The following COL6A3 variants were observed in gnomAD, a reference collection of about 807,000 sequenced individuals.
COL6A3 encodes collagen type VI alpha 3 chain.
A neutral mutation model predicts 274.1 loss-of-function variants in COL6A3; 137 were observed. The observed-to-expected ratio is 0.50, with a 90% CI of 0.44 to 0.58. The LOEUF (loss-of-function observed/expected upper bound fraction) is 0.58, where lower values mean the gene tolerates loss of function less well. Ranked by LOEUF, COL6A3 falls within the 20% of genes least tolerant of loss-of-function variation. COL6A3 has a pLI of 0.00. For missense variants in COL6A3, 3,950 were observed against 4,124.9 expected, an observed-to-expected ratio of 0.96 and a Z score of 1.16; for synonymous variants, 1,650 against 1,650.6, an observed-to-expected ratio of 1.00 and a Z score of 0.01.
At position 237,340,664 on chromosome 2, in the gene COL6A3, T is replaced by A. The variant is rs1559200179; in HGVS notation, c.8252A>T (p.Gln2751Leu). Residue 2751 changes from glutamine (Q) to leucine (L), a missense_variant, in exon 38 of 44, where the codon CAG becomes CTG. By Grantham distance (113) the Gln-to-Leu change is moderately radical (BLOSUM62 -2). Around this residue, in one of 5 missense-constraint regions of COL6A3, gnomAD observed 1,284 missense variants for 1,349.7 expected, o/e 0.95. Transcript: ENST00000295550. Reference sequence around the variant, plus strand: ...GATGACTCTCTGGGCCTCCTCCAGCTGCTGCTCCGGCACCTCGCCCGTCAG... The same window carrying A: ...GATGACTCTCTGGGCCTCCTCCAGCAGCTGCTCCGGCACCTCGCCCGTCAG... Reference protein sequence around the residue: ...LMLTGEVPEQQLEEAQRVILQ... With the variant: ...LMLTGEVPEQLLEEAQRVILQ... 1.9e-6 allele frequency: 3 copies of A among 1,614,098 alleles called. No homozygotes were observed. The highest frequency in any genetic ancestry group is 2.5e-6 in the Non-Finnish European group (3 of 1,180,030).
At chr2:237,398,642 C>A (rs893449833) in intron 1 of COL6A3, among the ~76,000 whole-genome samples, 1 of 152,184 alleles carries the variant, frequency 6.6e-6, no homozygotes, top group Non-Finnish European at 1.5e-5. Flanking sequence ...TCTGAAGGGC[C>A]CCATGCTCAG....
rs779036590 is a variant in COL6A3, at chr2:237,334,846, G to C, written c.9009C>G (p.Asn3003Lys). The change falls in exon 41 of 44, where the codon AAC (asparagine) becomes AAG (lysine). Residue 3003 changes from asparagine (N) to lysine (K), a missense_variant. By Grantham distance (94) the Asn-to-Lys change is moderately conservative. Transcript: ENST00000295550. The stretch of plus-strand genomic sequence containing the variant: ...CCCTCTCCCAGTGGAGTTTGGCGCT[G>C]TTCTCTGTTATCTCAAACACCTGGA... ...REVQVFEITENSAKLHWERAE... is the reference protein window; with the variant it reads ...REVQVFEITEKSAKLHWERAE... 13 of 1,614,062 alleles carry C rather than the reference G, an allele frequency of 8.1e-6. No homozygotes were observed. Among genetic ancestry groups the C allele is most frequent in the Non-Finnish European group, 1.1e-5 (13 of 1,180,026 alleles).
rs764996069 is a variant in COL6A3, at chr2:237,360,060, G to A, written c.6282+28C>T. 5.5e-5 allele frequency: 88 copies of A among 1,612,450 alleles called. No individual in the cohort carries two copies. In the Middle Eastern group the frequency reaches 1.3e-3, roughly 24 times the overall value. ...TGCGAGTCACCTGACCCCTCCCCAC[G>A]CTAGCAACCCCATCACCCACGCCTC... On this transcript the variant is annotated intron_variant, in intron 17 of 43. Coordinates refer to ENST00000295550, the MANE Select transcript of COL6A3 (RefSeq NM_004369.4).
Position 237,367,099 on chromosome 2 carries a change from G to T in COL6A3, c.5088C>A (p.Phe1696Leu). The change falls in exon 11 of 44, where the codon TTC becomes TTA. Residue 1696 changes from phenylalanine to leucine, a missense_variant. By Grantham distance (22) the Phe-to-Leu change is conservative. Transcript: ENST00000295550. Reference protein sequence around the residue: ...DPTDEFFLKDFSTKRQIIDAI... With the variant: ...DPTDEFFLKDLSTKRQIIDAI... ...CGTCAATAATCTGCCTCTTGGTAGAGAAGTCCTTCAGGAAGAATTCGTCAG... is the reference window on the plus strand; with the variant it reads ...CGTCAATAATCTGCCTCTTGGTAGATAAGTCCTTCAGGAAGAATTCGTCAG... 5 of 1,614,210 alleles carry T rather than the reference G, an allele frequency of 3.1e-6. No homozygotes were observed. The highest frequency in any genetic ancestry group is 4.2e-6 in the Non-Finnish European group (5 of 1,180,026).
intron 31 of COL6A3, 42 bp from the exon 32 acceptor site, chr2:237,346,607 G>C (rs375979754): frequency 6.3e-6 from 10 of 1,577,678 alleles, no homozygotes; most frequent in Middle Eastern, 1.7e-4. Flanking sequence ...GTGTCAGAAA[G>C]TGGAGAATTT....
In COL6A3 at chr2:237,348,374, C is replaced by A; in HGVS notation, c.6941G>T (p.Gly2314Val). The change falls in exon 30 of 44, where the codon GGA becomes GTA. Residue 2314 changes from glycine (G) to valine (V), a missense_variant. By Grantham distance (109) the Gly-to-Val change is moderately radical. This residue lies in a region of COL6A3 where 1,284 missense variants were observed against 1,349.7 expected (regional missense o/e 0.95). Coordinates refer to ENST00000295550, the MANE Select transcript of COL6A3 (RefSeq NM_004369.4). ...CTTTGGTCCTGGGTATCCAGGGAAT[C>A]CTCTTTCTCCCTATAAAGGAAAAAT... ...EGRRGKKGER[G>V]FPGYPGPKGN... The A allele has an allele frequency of 6.2e-7, 1 of 1,602,322 alleles. No individual in the cohort carries two copies. The highest frequency in any genetic ancestry group is 8.6e-7 in the Non-Finnish European group (1 of 1,169,334).
Position 237,374,180 on chromosome 2 carries a change from G to T in COL6A3, c.3679+232C>A, listed in dbSNP as rs2077769129. Among the ~76,000 whole-genome samples, 1 of 152,316 alleles carries T rather than the reference G, an allele frequency of 6.6e-6. No homozygotes were observed. Among genetic ancestry groups the T allele is most frequent in the East Asian group, 1.9e-4 (1 of 5,190 alleles). Reference sequence around the variant, plus strand: ...CCAAGCTGCACATATGTCCCTTTTGGAGAATTTAATTTGCCCCAAAACATG... The same window carrying T: ...CCAAGCTGCACATATGTCCCTTTTGTAGAATTTAATTTGCCCCAAAACATG... On this transcript the variant is annotated intron_variant, in intron 8 of 43. Transcript: ENST00000295550. This position sits in a 1 kb window ranked among gnomAD's most constrained non-coding sequence, Gnocchi z 4.8.
chr2:237,352,442 A>G (rs1370149950), intron 26 of COL6A3, 80 bp downstream of exon 26: 1 of 1,376,730 alleles, frequency 7.3e-7, no homozygotes, highest in Non-Finnish European at 1.0e-6. Flanking sequence ...CAATAGCATC[A>G]TCCGAGAAAC....
At chr2:237,401,891 C>T (rs1366091058) in intron 1 of COL6A3, among the ~76,000 whole-genome samples, 4 of 151,956 alleles carry the variant, frequency 2.6e-5, no homozygotes, top group African/African-American at 7.2e-5. Flanking sequence ...TGCCATGTTG[C>T]CCAGGCTGGT....
At chr2:237,388,299 A>G (rs1430975726) in intron 3 of COL6A3, 115 bp from the exon 4 acceptor site, 16 of 1,293,120 alleles carry the variant, frequency 1.2e-5, no homozygotes, top group Admixed American at 3.7e-5. Flanking sequence ...AAATATGGGC[A>G]AACAAAACAC....
intron 1 of COL6A3, among the ~76,000 whole-genome samples, chr2:237,410,026 C>T (rs781107393): frequency 7.9e-5 from 12 of 152,150 alleles, no homozygotes; most frequent in African/African-American, 1.2e-4. Context: ...AAAGCTCTAA[C>T]GTATGTACAC....
chr2:237,369,151 C>T lies in COL6A3; in HGVS notation c.4312G>A (p.Val1438Ile), dbSNP rs1353249977. 15 of 1,612,920 alleles carry T rather than the reference C, an allele frequency of 9.3e-6. No homozygotes were observed. Among genetic ancestry groups the T allele is most frequent in the African/African-American group, 4.0e-5 (3 of 74,932 alleles). Residue 1438 changes from valine to isoleucine, a missense_variant, in exon 10 of 44, where the codon GTC (valine) becomes ATC (isoleucine). Val to Ile is a conservative substitution (Grantham distance 29). Coordinates refer to ENST00000295550, the MANE Select transcript of COL6A3 (RefSeq NM_004369.4). ...CCCTCAGAGCTGTCGATCAGAAAGA[C>T]AATGTCTGCAGCATCACTCTCAACT... ...PAVESDAADI[V>I]FLIDSSEGVR...
chr2:237,413,158 G>A lies in COL6A3; in HGVS notation c.-31+795C>T, dbSNP rs548283034. ...TCCTCCGGGCCAGAGAACAGCCCTC[G>A]GGGCCTCCCAGCTCGGCACTGGCCT... On this transcript the variant is annotated intron_variant, in intron 1 of 43. Coordinates refer to ENST00000295550, the MANE Select transcript of COL6A3 (RefSeq NM_004369.4). This position sits in a 1 kb window ranked among gnomAD's most constrained non-coding sequence, Gnocchi z 4.0. Among the ~76,000 whole-genome samples, 25 of 152,302 alleles carry A rather than the reference G, an allele frequency of 1.6e-4. No individual in the cohort carries two copies. The highest frequency in any genetic ancestry group is 2.6e-4 in the Non-Finnish European group (18 of 68,022).
chr2:237,359,483 A>G, intron 17 of COL6A3, 95 bp from the exon 18 acceptor site: 1 of 1,269,596 alleles, frequency 7.9e-7, no homozygotes, highest in Non-Finnish European at 1.2e-6. Context: ...ACTCCACCCC[A>G]TTTGAATGTT....
chr2:237,363,161 T>A, intron 14 of COL6A3, 92 bp downstream of exon 14: 68 of 1,085,118 alleles, frequency 6.3e-5, no homozygotes, highest in Middle Eastern at 2.3e-4. Context: ...CCCACCTCCA[T>A]TCACCTGCTG....
At chr2:237,339,189 C>T in intron 38 of COL6A3, 72 bp from the exon 39 acceptor site, 2 of 1,071,738 alleles carry the variant, frequency 1.9e-6, no homozygotes, top group Middle Eastern at 2.5e-4. Context: ...AATCTGTCAA[C>T]AAGTTAAATG....
intron 37 of COL6A3, 150 bp downstream of exon 37, chr2:237,341,915 C>T: frequency 1.4e-6 from 1 of 694,098 alleles, no homozygotes; most frequent in South Asian, 1.6e-5. Flanking sequence ...GAAACTGCTG[C>T]AGTAGTATTT....
At chr2:237,366,097 A>C (rs1224526081) in intron 11 of COL6A3, 62 bp from the exon 12 acceptor site, 6 of 1,463,756 alleles carry the variant, frequency 4.1e-6, no homozygotes, top group Non-Finnish European at 5.7e-6. Context: ...AACTCTACTT[A>C]TACCAGCAGT....
At chr2:237,351,383 G>A (rs1165948371) in intron 26 of COL6A3, among the ~76,000 whole-genome samples, 191 bp from the exon 27 acceptor site, 1 of 152,208 alleles carries the variant, frequency 6.6e-6, no homozygotes. Context: ...GCACAGAAAT[G>A]GCATGCACAA....
Sources: gnomAD v4.1 joint callset for allele counts (sites outside exome capture counted in the v4.1 genomes callset) on GRCh38, gnomAD v4.1.1 for gene constraint, gnomAD v4.1.1 regional missense constraint, Gnocchi (gnomAD v3.1) non-coding constraint, MANE v1.5 for transcripts, NCBI Gene and HGNC (gene_info 2026-07-23, HGNC 2026-07-21) for gene names.